LRRC4C: variants seen among roughly 807,000 people sequenced by gnomAD.
LRRC4C encodes leucine rich repeat containing 4C.
Under a neutral mutation model 33.6 loss-of-function variants are expected in LRRC4C, and 5 were observed. The ratio of observed to expected loss-of-function variants is 0.15; its 90% CI spans 0.08 to 0.31. LRRC4C has a LOEUF of 0.31. Among genes scored for constraint, LRRC4C ranks in the 10% least tolerant of loss-of-function variants. The pLI, the probability that LRRC4C is intolerant of heterozygous loss-of-function variation, is 1.00. For missense variants in LRRC4C, 560 were observed against 796.7 expected, an observed-to-expected ratio of 0.70 and a Z score of 3.58; for synonymous variants, 329 against 302.0, an observed-to-expected ratio of 1.09 and a Z score of -0.93.
At chr11:40,308,294 T>C (rs1322440653) in intron 4 of LRRC4C, among the ~76,000 whole-genome samples, 1 of 152,230 alleles carries the variant, frequency 6.6e-6, no homozygotes, top group African/African-American at 2.4e-5. Context: ...GCTGATGCAG[T>C]TGTGATAAAG....
At chr11:40,335,725 G>GA (rs1946567229) in intron 3 of LRRC4C, among the ~76,000 whole-genome samples, 1 of 152,192 alleles carries the variant, frequency 6.6e-6, no homozygotes, top group Non-Finnish European at 1.5e-5. Flanking sequence ...ATCTCGAAGA[G>GA]AATGGATTCG....
chr11:40,789,319 A>T (rs187688442), intron 2 of LRRC4C, among the ~76,000 whole-genome samples: 102 of 152,156 alleles, frequency 6.7e-4, no homozygotes, highest in African/African-American at 2.4e-3. Context: ...CAATCAGTTG[A>T]GTTTCTCTTC....
chr11:41,138,856 G>A (rs1362175173), intron 1 of LRRC4C, among the ~76,000 whole-genome samples: 1 of 152,150 alleles, frequency 6.6e-6, no homozygotes, highest in African/African-American at 2.4e-5. Flanking sequence ...TCCCAAGGGA[G>A]AACTTGAGAT....
chr11:41,102,973 CA>C (rs1445990610), intron 1 of LRRC4C, among the ~76,000 whole-genome samples: 1 of 151,592 alleles, frequency 6.6e-6, no homozygotes, highest in Non-Finnish European at 1.5e-5. Context: ...AACTGAATGT[CA>C]ATTCAAAAGG....
intron 3 of LRRC4C, among the ~76,000 whole-genome samples, chr11:40,529,940 G>A (rs975737779): frequency 4.6e-5 from 7 of 151,984 alleles, no homozygotes; most frequent in Non-Finnish European, 8.8e-5. Flanking sequence ...TGCGTGTTGT[G>A]CTCATGTACC....
intron 2 of LRRC4C, among the ~76,000 whole-genome samples, chr11:40,682,312 A>C (rs1475578184): frequency 6.6e-6 from 1 of 151,840 alleles, no homozygotes; most frequent in Non-Finnish European, 1.5e-5. Flanking sequence ...GTGCTAGAAA[A>C]GGGGTAAATA....
At chr11:40,763,683 A>G (rs1356628121) in intron 2 of LRRC4C, among the ~76,000 whole-genome samples, 2 of 152,126 alleles carry the variant, frequency 1.3e-5, no homozygotes, top group Admixed American at 6.5e-5. Flanking sequence ...GGGACTTTGT[A>G]TCGGAATTCA....
intron 1 of LRRC4C, among the ~76,000 whole-genome samples, chr11:41,021,208 AGAGAGAGTGTGT>A (rs1478524616): frequency 1.2e-4 from 16 of 130,908 alleles, no homozygotes; most frequent in African/African-American, 4.7e-4. Context: ...AGAGAGAGAG[AGAGAGAGTGTGT>A]GTGTGTGTGT....
At chr11:40,851,139 T>G (rs1426534532) in intron 2 of LRRC4C, among the ~76,000 whole-genome samples, 1 of 151,980 alleles carries the variant, frequency 6.6e-6, no homozygotes, top group African/African-American at 2.4e-5. Flanking sequence ...GAGTGAACAG[T>G]TCTGTCTTGC....
chr11:40,824,083 C>CA lies in LRRC4C; in HGVS notation c.-407+109551dup, dbSNP rs974706378. ...TCTGACTTAATAAACGTGGAATTTC[C>CA]AAAAAAAGGAAAATTTATAGACAGA... On this transcript the variant is annotated intron_variant, in intron 2 of 6. Coordinates refer to ENST00000528697, the MANE Select transcript of LRRC4C (RefSeq NM_001258419.2). Among the ~76,000 whole-genome samples the CA allele has an allele frequency of 2.2e-4, 33 of 151,450 alleles. 1 individual carries two copies. The highest frequency in any genetic ancestry group is 7.3e-4 in the African/African-American group (30 of 41,366).
chr11:40,336,140 C>T (rs1946587527), intron 3 of LRRC4C, among the ~76,000 whole-genome samples: 1 of 152,082 alleles, frequency 6.6e-6, no homozygotes, highest in South Asian at 2.1e-4. Flanking sequence ...TAATAGCAGT[C>T]AAAACAAAAT....
chr11:40,446,446 A>G (rs1284801933), intron 3 of LRRC4C: 1 of 152,166 alleles, frequency 6.6e-6, no homozygotes, highest in Non-Finnish European at 1.5e-5. Flanking sequence ...GTTTCCTTTT[A>G]TAATTCAACT....
rs565878775 is a variant in LRRC4C, at chr11:40,887,985, A to G, written c.-407+45650T>C. On this transcript the variant is annotated intron_variant, in intron 2 of 6. Transcript: ENST00000528697. ...GTAAAAGTTTGGTTATTATTTTAAA[A>G]AAAGATATATAGTCTTATAAAGAAT... Among the ~76,000 whole-genome samples, 10 of 152,094 alleles carry G rather than the reference A, an allele frequency of 6.6e-5. No homozygotes were observed. The South Asian group carries it at 2.1e-3, about 31-fold the overall frequency.
intron 3 of LRRC4C, among the ~76,000 whole-genome samples, chr11:40,574,077 A>T (rs1958086210): frequency 6.6e-6 from 1 of 152,170 alleles, no homozygotes; most frequent in Admixed American, 6.5e-5. Context: ...TATATGTATG[A>T]TATTAAACAT....
At chr11:40,130,274 T>C (rs1364744829) in intron 6 of LRRC4C, among the ~76,000 whole-genome samples, 3 of 152,210 alleles carry the variant, frequency 2.0e-5, no homozygotes, top group African/African-American at 7.2e-5. Flanking sequence ...TTTGTAACAA[T>C]GCCTACATTC....
intron 5 of LRRC4C, among the ~76,000 whole-genome samples, chr11:40,218,363 G>A (rs1271318751): frequency 1.3e-5 from 2 of 152,034 alleles, no homozygotes; most frequent in African/African-American, 4.8e-5. Flanking sequence ...GCCTAAGAAG[G>A]GTTATGGTCA....
intron 1 of LRRC4C, among the ~76,000 whole-genome samples, chr11:41,166,577 A>C (rs1416361903): frequency 2.0e-5 from 3 of 152,064 alleles, no homozygotes; most frequent in Non-Finnish European, 2.9e-5. Flanking sequence ...CTCTGTTAGA[A>C]ATGTTCTCTT....
intron 6 of LRRC4C, among the ~76,000 whole-genome samples, chr11:40,121,894 T>C (rs1001079531): frequency 2.0e-5 from 3 of 152,156 alleles, no homozygotes; most frequent in Non-Finnish European, 4.4e-5. Context: ...CAAACCTCCC[T>C]AAACAGGAGA....
intron 1 of LRRC4C, among the ~76,000 whole-genome samples, chr11:41,046,149 ACT>A (rs1857762512): frequency 1.3e-5 from 2 of 152,076 alleles, no homozygotes; most frequent in South Asian, 2.1e-4. Context: ...TAAAGGAATA[ACT>A]CTATATTATC....
Sources: gnomAD v4.1 joint callset for allele counts (sites outside exome capture counted in the v4.1 genomes callset) on GRCh38, gnomAD v4.1.1 for gene constraint, MANE v1.5 for transcripts, NCBI Gene and HGNC (gene_info 2026-07-23, HGNC 2026-07-21) for gene names.